Variants in NXN observed in about 807,000 individuals in gnomAD.
The protein encoded by NXN is nucleoredoxin 1.
In NXN, 16 loss-of-function variants were observed where a neutral mutation model predicts 48.6. The ratio of observed to expected loss-of-function variants is 0.33; its 90% confidence interval spans 0.22 to 0.50. NXN has a LOEUF of 0.50. NXN is among the 20% of genes least tolerant of loss of function. The probability of loss-of-function intolerance (pLI) is 0.98; values close to 1 mark genes in which losing one functional copy is unlikely to be tolerated. For missense variants in NXN, 492 were observed against 605.5 expected (o/e 0.81, Z 1.97); for synonymous variants, 281 against 269.6 (o/e 1.04, Z -0.41).
intron 1 of NXN, among the ~76,000 whole-genome samples, chr17:909,466 G>A (rs1042476948): frequency 1.3e-5 from 2 of 151,460 alleles, no homozygotes; most frequent in Non-Finnish European, 2.9e-5. Flanking sequence ...GTTCTGACAT[G>A]AGAATGTTCA....
Position 847,060 on chromosome 17 carries a change from C to T in NXN, c.361-20982G>A, listed in dbSNP as rs540391386. ...TCCAAGTCGGCAGGGTGAGCTTTTC[C>T]GTGTCCGCTCTGCAAAATGAACAGA... On this transcript the variant is annotated intron_variant, in intron 1 of 7. Coordinates refer to ENST00000336868, the MANE Select transcript of NXN (RefSeq NM_022463.5). 3.3e-5 allele frequency among the ~76,000 whole-genome samples: 5 copies of T among 152,234 alleles called. No individual in the cohort carries two copies. In the South Asian group the frequency reaches 8.3e-4, roughly 25 times the overall value.
intron 1 of NXN, among the ~76,000 whole-genome samples, chr17:925,849 G>A (rs1334685365): frequency 6.6e-6 from 1 of 152,152 alleles, no homozygotes; most frequent in African/African-American, 2.4e-5. Context: ...AGTACATGGT[G>A]GGCTTGCTCC....
At chr17:914,673 C>T (rs190536746) in intron 1 of NXN, among the ~76,000 whole-genome samples, 124 of 152,286 alleles carry the variant, frequency 8.1e-4, no homozygotes, top group Non-Finnish European at 9.1e-4. Context: ...AGCAGAGACT[C>T]GCTTCTGACC....
chr17:932,378 T>C lies in NXN; in HGVS notation c.360+46941A>G, dbSNP rs1208957872. ...AAACTACTGGGCCCCAGCCTGGACC[T>C]ACCAAGTCAAGAACTCTGGGATGGG... On this transcript the variant is annotated intron_variant, in intron 1 of 7. Coordinates refer to ENST00000336868, the MANE Select transcript of NXN (RefSeq NM_022463.5). The surrounding 1 kb of genome is among the most constrained non-coding windows in gnomAD (Gnocchi z 4.1). 6.6e-6 allele frequency among the ~76,000 whole-genome samples: 1 copy of C among 152,134 alleles called. No homozygotes were observed. The highest frequency in any genetic ancestry group is 1.5e-5 in the Non-Finnish European group (1 of 68,010).
Position 897,058 on chromosome 17 carries a change from C to T in NXN, c.361-70980G>A, listed in dbSNP as rs138996676. On this transcript the variant is annotated intron_variant, in intron 1 of 7. Coordinates refer to ENST00000336868, the MANE Select transcript of NXN (RefSeq NM_022463.5). The stretch of plus-strand genomic sequence containing the variant: ...AACAACAGCGTCACTGTCACACACG[C>T]GTGAGCTTTGACAGCCAGGGACTGG... 3.2e-4 allele frequency: 338 copies of T among 1,064,398 alleles called. 1 individual carries two copies. The African/African-American group carries it at 4.2e-3, about 13-fold the overall frequency. 65.9% of individuals were successfully genotyped at this position (1,064,398 alleles called of 1,614,324 possible). A position where few individuals can be genotyped will look rare whatever the true frequency, so the allele number is the denominator to read the frequency against.
At position 805,225 on chromosome 17, in the gene NXN, C is replaced by G; in HGVS notation, c.843G>C (p.Leu281=). Residue 281 remains leucine, a synonymous_variant, in exon 6 of 8, where the codon CTG becomes CTC. Coordinates refer to ENST00000336868, the MANE Select transcript of NXN (RefSeq NM_022463.5). ...GCGTGATCACCTCGCCCTGCGGGTC[C>G]AGCATGATGAGCGTGGGGATGCCTG... ...GIQGIPTLIM[L]DPQGEVITRQ... 1 of 1,611,688 alleles carries G rather than the reference C, an allele frequency of 6.2e-7. No individual in the cohort carries two copies. The highest frequency in any genetic ancestry group is 1.1e-5 in the South Asian group (1 of 90,756).
intron 1 of NXN, among the ~76,000 whole-genome samples, chr17:903,690 C>T (rs537473222): frequency 1.3e-5 from 2 of 152,310 alleles, no homozygotes; most frequent in South Asian, 2.1e-4. Flanking sequence ...GCCTCTGCTA[C>T]AAGTTCTATA....
intron 1 of NXN, among the ~76,000 whole-genome samples, chr17:927,632 CAGA>C (rs998056527): frequency 2.7e-5 from 4 of 147,556 alleles, no homozygotes; most frequent in Non-Finnish European, 4.5e-5. Flanking sequence ...GCAGGAGGAG[CAGA>C]AGGAGGCGGG....
intron 1 of NXN, among the ~76,000 whole-genome samples, chr17:904,695 A>C (rs2068567725): frequency 6.6e-6 from 1 of 152,070 alleles, no homozygotes; most frequent in Non-Finnish European, 1.5e-5. Flanking sequence ...AGGCGCATGC[A>C]ATCACATCCA....
At chr17:852,721 G>A (rs890463917) in intron 1 of NXN, among the ~76,000 whole-genome samples, 3 of 152,154 alleles carry the variant, frequency 2.0e-5, no homozygotes, top group Non-Finnish European at 4.4e-5. Flanking sequence ...CCCCCTGCAC[G>A]GTTGGGATTA....
intron 1 of NXN, among the ~76,000 whole-genome samples, chr17:948,316 C>T (rs919769167): frequency 6.6e-5 from 10 of 151,674 alleles, no homozygotes; most frequent in Non-Finnish European, 1.5e-4. Flanking sequence ...TAAATATGTA[C>T]ACCATAAAAA....
chr17:915,135 C>A (rs1310376285), intron 1 of NXN, among the ~76,000 whole-genome samples: 4 of 152,034 alleles, frequency 2.6e-5, no homozygotes, highest in African/African-American at 9.7e-5. Flanking sequence ...GGGGTTTCAC[C>A]ATATTGGCCA....
At chr17:809,857 C>A (rs1400235939) in intron 5 of NXN, among the ~76,000 whole-genome samples, 1 of 151,526 alleles carries the variant, frequency 6.6e-6, no homozygotes, top group African/African-American at 2.4e-5. Context: ...GAGCGGCGGG[C>A]ACCTTACGAG....
chr17:938,234 C>T (rs531160883), intron 1 of NXN, among the ~76,000 whole-genome samples: 3 of 152,356 alleles, frequency 2.0e-5, no homozygotes, highest in Middle Eastern at 3.4e-3. Context: ...TTTTACTGCT[C>T]CAGAAAGCAG....
intron 5 of NXN, among the ~76,000 whole-genome samples, chr17:811,720 A>G (rs1476355809): frequency 6.6e-6 from 1 of 152,006 alleles, no homozygotes; most frequent in African/African-American, 2.4e-5. Context: ...ACTCATCATC[A>G]AGACCACGGC....
intron 5 of NXN, among the ~76,000 whole-genome samples, chr17:814,770 A>G (rs1912373596): frequency 1.3e-5 from 2 of 151,596 alleles, no homozygotes; most frequent in Admixed American, 1.3e-4. Flanking sequence ...TCACGCCTGT[A>G]ATCCCAGCAC....
At chr17:808,996 C>T (rs1168057767) in intron 5 of NXN, among the ~76,000 whole-genome samples, 1 of 152,094 alleles carries the variant, frequency 6.6e-6, no homozygotes, top group Non-Finnish European at 1.5e-5. Context: ...TTTTAATCAC[C>T]CCTAAACTGA....
intron 1 of NXN, among the ~76,000 whole-genome samples, chr17:851,980 A>G (rs1255879033): frequency 2.6e-5 from 4 of 152,146 alleles, no homozygotes; most frequent in African/African-American, 7.2e-5. Context: ...TGAAATGGAG[A>G]GTGGAAAAAG....
intron 1 of NXN, among the ~76,000 whole-genome samples, chr17:934,980 ATTT>A (rs79856003): frequency 6.6e-6 from 1 of 150,674 alleles, no homozygotes; most frequent in Admixed American, 6.6e-5. Flanking sequence ...TGTGCTCTTT[ATTT>A]TTTTTTATTT....
Sources: gnomAD v4.1 joint callset for allele counts (sites outside exome capture counted in the v4.1 genomes callset) on GRCh38, gnomAD v4.1.1 for gene constraint, Gnocchi (gnomAD v3.1) non-coding constraint, MANE v1.5 for transcripts, NCBI Gene and HGNC (gene_info 2026-07-23, HGNC 2026-07-21) for gene names.